The following DEPDC5 variants were observed in gnomAD, a reference collection of about 807,000 sequenced individuals.
DEPDC5 encodes the protein DEP domain containing 5, GATOR1 subcomplex subunit, also known as GATOR1 complex protein DEPDC5.
In DEPDC5, 73 loss-of-function variants were observed where a neutral mutation model predicts 217.3. The ratio of observed to expected loss-of-function variants is 0.34; its 90% confidence interval spans 0.28 to 0.41. The LOEUF is 0.41. DEPDC5 is among the 10% of genes least tolerant of loss of function. The pLI, the probability that DEPDC5 is intolerant of heterozygous loss-of-function variation, is 1.00. For missense variants in DEPDC5, 1,675 were observed against 2,070.1 expected, an observed-to-expected ratio of 0.81 and a Z score of 3.70; for synonymous variants, 733 against 756.7, an observed-to-expected ratio of 0.97 and a Z score of 0.51.
At chr22:31,847,213 G>T (rs1306432511) in intron 31 of DEPDC5, among the ~76,000 whole-genome samples, 4 of 152,196 alleles carry the variant, frequency 2.6e-5, no homozygotes, top group African/African-American at 9.6e-5. Flanking sequence ...AGCCCACAAA[G>T]TATTTCAACA....
rs1382354379 is a variant in DEPDC5, at chr22:31,906,664, CCCA to C, written c.*169_*171del. 4 of 922,770 alleles carry C rather than the reference CCCA, an allele frequency of 4.3e-6. No individual in the cohort carries two copies. Among genetic ancestry groups the C allele is most frequent in the Non-Finnish European group, 6.4e-6 (4 of 624,884 alleles). The allele number at this position is 922,770 out of a possible 1,614,324, so 57.2% of individuals were successfully genotyped here. A position where few individuals can be genotyped will look rare whatever the true frequency, so the allele number is the denominator to read the frequency against. On this transcript the variant is annotated 3_prime_UTR_variant, in exon 43 of 43. Transcript: ENST00000651528. This position sits in a 1 kb window ranked among gnomAD's most constrained non-coding sequence, Gnocchi z 5.1. ...TTTGTTTGTTTGTTTGTTTTTGGCC[CCCA>C]CGACAAGTCTTCTACTCTAGAAGAA...
At chr22:31,889,317 T>G (rs5998161) in intron 38 of DEPDC5, among the ~76,000 whole-genome samples, 20,179 of 152,218 alleles carry the variant, frequency 0.13, 1,551 homozygotes, top group African/African-American at 0.2. Flanking sequence ...TACTGCCAAA[T>G]CTATCCCCAA....
rs136870 is a variant in DEPDC5 at position 31,877,749 on chromosome 22, C to CA, written c.3805+1509dup. The stretch of plus-strand genomic sequence containing the variant: ...CTGGCGACAGAGCGAGACTCCATCT[C>CA]AAAAAAAAAAAAAAAAAAAAAAAAA... On this transcript the variant is annotated intron_variant, in intron 37 of 42. Coordinates refer to ENST00000651528, the MANE Select transcript of DEPDC5 (RefSeq NM_001242896.3). 6.9e-3 allele frequency among the ~76,000 whole-genome samples: 435 copies of CA among 62,708 alleles called. 10 individuals are homozygous for CA. Among genetic ancestry groups the CA allele is most frequent in the Middle Eastern group, 0.017 (1 of 60 alleles). 41.1% of individuals were successfully genotyped at this position (62,708 alleles called of 152,430 possible). A position where few individuals can be genotyped will look rare whatever the true frequency, so the allele number is the denominator to read the frequency against.
rs116831864 is a variant in DEPDC5 at position 31,835,293 on chromosome 22, G to A, written c.2170+1313G>A. ...GATGATTCTATTTCTCTACAACCCT[G>A]TCACCGGAGTTTGTTACCTTTGCTC... On this transcript the variant is annotated intron_variant, in intron 25 of 42. Transcript: ENST00000651528. Among the ~76,000 whole-genome samples the A allele has an allele frequency of 1.5e-3, 226 of 152,300 alleles. 1 individual carries two copies. Among genetic ancestry groups the A allele is most frequent in the African/African-American group, 5.3e-3 (220 of 41,566 alleles).
Position 31,879,555 on chromosome 22 carries a change from A to G in DEPDC5, c.3836A>G (p.His1279Arg), listed in dbSNP as rs201765981. 59 of 1,612,160 alleles carry G rather than the reference A, an allele frequency of 3.7e-5. No individual in the cohort carries two copies. Among genetic ancestry groups the G allele is most frequent in the Non-Finnish European group, 4.8e-5 (57 of 1,180,030 alleles). ...ATGCAGCAGCCCGCCACCACCTGGC[A>G]CACAGCAGGAGTGGACGACTTCGCC... ...VAMQQPATTW[H>R]TAGVDDFASF... The change falls in exon 38 of 43, where the codon CAC becomes CGC. Residue 1279 changes from histidine (H) to arginine (R), a missense_variant. Physicochemically the swap from His to Arg is conservative, Grantham distance 29. Coordinates refer to ENST00000651528, the MANE Select transcript of DEPDC5 (RefSeq NM_001242896.3).
chr22:31,755,395 A>G (rs2075235094), intron 2 of DEPDC5: 1 of 195,074 alleles, frequency 5.1e-6, no homozygotes. Context: ...CCTGGCTTGT[A>G]GGCATGGGAA....
At chr22:31,835,359 C>CA in intron 25 of DEPDC5, among the ~76,000 whole-genome samples, 1 of 152,120 alleles carries the variant, frequency 6.6e-6, no homozygotes, top group Non-Finnish European at 1.5e-5. Flanking sequence ...AGAACTTCCT[C>CA]AGAGTCCCTC....
chr22:31,797,452 AG>A, intron 12 of DEPDC5, 147 bp from the exon 13 acceptor site: 1 of 631,934 alleles, frequency 1.6e-6, no homozygotes, highest in Non-Finnish European at 2.8e-6. Flanking sequence ...AACAGCATGG[AG>A]GAAACCACCC....
At chr22:31,805,628 G>A (rs1602004361) in intron 17 of DEPDC5, among the ~76,000 whole-genome samples, 3 of 151,924 alleles carry the variant, frequency 2.0e-5, no homozygotes, top group Admixed American at 6.6e-5. Context: ...AGCCTCCTGC[G>A]TAGTTGGGAT....
chr22:31,761,706 G>A (rs1183028809), intron 4 of DEPDC5, among the ~76,000 whole-genome samples: 1 of 150,560 alleles, frequency 6.6e-6, no homozygotes, highest in Non-Finnish European at 1.5e-5. Context: ...GGTGGCTTAT[G>A]CCTGTAATCC....
chr22:31,808,257 A>AT (rs1488411895), intron 18 of DEPDC5, among the ~76,000 whole-genome samples: 66 of 147,866 alleles, frequency 4.5e-4, no homozygotes, highest in African/African-American at 1.5e-3. Flanking sequence ...CACCATGCCT[A>AT]ATTTTTTTTT....
intron 33 of DEPDC5, among the ~76,000 whole-genome samples, chr22:31,867,846 C>T (rs746738598): frequency 1.3e-5 from 2 of 152,120 alleles, no homozygotes; most frequent in African/African-American, 2.4e-5. Context: ...TGGTAATGGC[C>T]TTCACGTTAG....
intron 41 of DEPDC5, among the ~76,000 whole-genome samples, chr22:31,903,138 C>G (rs1013131436): frequency 1.3e-5 from 2 of 149,154 alleles, no homozygotes; most frequent in Non-Finnish European, 3.0e-5. Context: ...TACCTAAACC[C>G]CCAACCTTCC....
chr22:31,788,900 A>G (rs1835068674), intron 10 of DEPDC5, among the ~76,000 whole-genome samples: 1 of 150,868 alleles, frequency 6.6e-6, no homozygotes, highest in South Asian at 2.1e-4. Context: ...TTATTTATTT[A>G]TGTATTTTTA....
At chr22:31,789,218 G>A (rs74325462) in intron 10 of DEPDC5, among the ~76,000 whole-genome samples, 3,821 of 152,332 alleles carry the variant, frequency 0.025, 61 homozygotes, top group African/African-American at 0.041. Context: ...TAGCTAAAAA[G>A]TAGGATAACA....
intron 3 of DEPDC5, 44 bp downstream of exon 3, chr22:31,758,677 T>C (rs762542455): frequency 1.9e-6 from 3 of 1,560,270 alleles, no homozygotes; most frequent in Non-Finnish European, 2.7e-6. Context: ...ATTCACTGTT[T>C]CCAAATGATG....
intron 38 of DEPDC5, among the ~76,000 whole-genome samples, chr22:31,881,953 A>T (rs1209681154): frequency 2.0e-5 from 3 of 147,054 alleles, no homozygotes; most frequent in Non-Finnish European, 4.5e-5. Flanking sequence ...ATGGAGTGAG[A>T]CTCCATCTGA....
At chr22:31,816,454 AG>A (rs1442330911) in intron 21 of DEPDC5, 1 of 148,920 alleles carries the variant, frequency 6.7e-6, no homozygotes, top group African/African-American at 2.5e-5. Context: ...TTTCTGAGAC[AG>A]AGTCTTGCTC....
chr22:31,831,260 T>A (rs1277163965), intron 24 of DEPDC5: 1 of 152,316 alleles, frequency 6.6e-6, no homozygotes, highest in Non-Finnish European at 1.5e-5. Flanking sequence ...CTCAGTTTCT[T>A]TATCTGTGGA....
Sources: allele counts gnomAD v4.1 joint callset (sites outside exome capture counted in the v4.1 genomes callset), GRCh38; gene constraint gnomAD v4.1.1; non-coding constraint Gnocchi (gnomAD v3.1); transcripts MANE v1.5; gene names NCBI Gene and HGNC (gene_info 2026-07-23, HGNC 2026-07-21).